Variants in NFYC observed in about 807,000 individuals in gnomAD.
NFYC encodes the protein nuclear transcription factor Y subunit gamma.
NFYC carries 25 observed loss-of-function variants against 53.1 expected under a neutral mutation model. That is an observed-to-expected ratio of 0.47 (90% CI 0.34 to 0.66). NFYC has a LOEUF of 0.66. Ranked by LOEUF, NFYC falls within the 30% of genes least tolerant of loss-of-function variation. NFYC has a pLI of 0.01. For missense variants in NFYC, 260 were observed against 422.7 expected, an observed-to-expected ratio of 0.62 and a Z score of 3.38; for synonymous variants, 145 against 152.6, an observed-to-expected ratio of 0.95 and a Z score of 0.37.
At chr1:40,738,362 A>G (rs192286281) in intron 1 of NFYC, among the ~76,000 whole-genome samples, 331 of 152,294 alleles carry the variant, frequency 2.2e-3, no homozygotes, top group Admixed American at 4.1e-3. Flanking sequence ...CTGGGTTTAC[A>G]TTTCTGTACA....
At chr1:40,735,209 T>A (rs1339507765) in intron 1 of NFYC, 1 of 151,662 alleles carries the variant, frequency 6.6e-6, no homozygotes, top group Non-Finnish European at 1.5e-5. Flanking sequence ...GTCCTGAACT[T>A]CTATGATGCA....
Position 40,745,130 on chromosome 1 carries a change from A to G in NFYC, c.106-2404A>G, listed in dbSNP as rs559890160. Among the ~76,000 whole-genome samples the G allele has an allele frequency of 9.2e-5, 14 of 152,286 alleles. No individual in the cohort carries two copies. In the East Asian group the frequency reaches 2.7e-3, roughly 29 times the overall value. ...TCTGCAAGGCGGGAATGATCTCTTG[A>G]TCCTTGACTTTTGTTGCTTTTGATT... On this transcript the variant is annotated intron_variant, in intron 2 of 9. Coordinates refer to ENST00000447388, the MANE Select transcript of NFYC (RefSeq NM_014223.5).
At chr1:40,738,101 A>G (rs1645148865) in intron 1 of NFYC, among the ~76,000 whole-genome samples, 1 of 151,756 alleles carries the variant, frequency 6.6e-6, no homozygotes, top group East Asian at 1.9e-4. Context: ...ACGGGGTTTC[A>G]CTGTTTTAGC....
intron 1 of NFYC, among the ~76,000 whole-genome samples, chr1:40,701,805 A>G (rs1643448106): frequency 3.9e-5 from 6 of 152,230 alleles, no homozygotes; most frequent in Admixed American, 3.9e-4. Context: ...TGAACAAATG[A>G]AATTTTCCTA....
At chr1:40,736,845 G>T (rs1448887302) in intron 1 of NFYC, among the ~76,000 whole-genome samples, 2 of 60,792 alleles carry the variant, frequency 3.3e-5, no homozygotes, top group African/African-American at 5.8e-5. Flanking sequence ...AAAAAAAAAA[G>T]GCTGGGCGCG....
intron 5 of NFYC, 73 bp from the exon 6 acceptor site, chr1:40,758,048 A>G (rs1646328415): frequency 1.3e-6 from 2 of 1,546,364 alleles, no homozygotes; most frequent in African/African-American, 2.7e-5. Flanking sequence ...GTTTGGGGGA[A>G]GAGTGGAAAT....
intron 6 of NFYC, among the ~76,000 whole-genome samples, chr1:40,760,317 A>G (rs1036974762): frequency 1.3e-5 from 2 of 152,200 alleles, no homozygotes; most frequent in Admixed American, 6.5e-5. Flanking sequence ...CTATAATCCC[A>G]TCACTTTGGG....
intron 2 of NFYC, 67 bp downstream of exon 2, chr1:40,739,015 C>A: frequency 9.0e-7 from 1 of 1,113,178 alleles, no homozygotes; most frequent in South Asian, 1.3e-5. Context: ...GGAAATTAAC[C>A]AAAACTCAGA....
chr1:40,762,254 C>T (rs1481297509), intron 6 of NFYC, among the ~76,000 whole-genome samples: 1 of 152,148 alleles, frequency 6.6e-6, no homozygotes, highest in Non-Finnish European at 1.5e-5. Context: ...TAACAGTGCC[C>T]AGTGAGTTAG....
chr1:40,752,767 G>C (rs924672394), intron 4 of NFYC, among the ~76,000 whole-genome samples: 3 of 151,892 alleles, frequency 2.0e-5, no homozygotes, highest in African/African-American at 7.3e-5. Flanking sequence ...GAACCAAAGG[G>C]AAAATATTAT....
intron 1 of NFYC, among the ~76,000 whole-genome samples, chr1:40,726,938 C>T (rs751368462): frequency 6.6e-6 from 1 of 152,192 alleles, no homozygotes; most frequent in Non-Finnish European, 1.5e-5. Flanking sequence ...GAGTAGGTTC[C>T]ATTTCAAGGA....
intron 2 of NFYC, among the ~76,000 whole-genome samples, chr1:40,746,012 A>C (rs1013525849): frequency 6.6e-6 from 1 of 152,144 alleles, no homozygotes; most frequent in South Asian, 2.1e-4. Context: ...CCTGGCCTAC[A>C]TGTGTATTTT....
At chr1:40,724,252 C>G (rs1367570011) in intron 1 of NFYC, among the ~76,000 whole-genome samples, 1 of 152,112 alleles carries the variant, frequency 6.6e-6, no homozygotes, top group Non-Finnish European at 1.5e-5. Flanking sequence ...CCTATAATCC[C>G]AGCTGCTTGG....
chr1:40,704,092 T>C (rs1258087830), intron 1 of NFYC, among the ~76,000 whole-genome samples: 1 of 151,982 alleles, frequency 6.6e-6, no homozygotes, highest in Admixed American at 6.6e-5. Context: ...TTTTTTTTTT[T>C]TTTGGAGACA....
At chr1:40,698,431 A>T (rs542429948) in intron 1 of NFYC, among the ~76,000 whole-genome samples, 4 of 151,420 alleles carry the variant, frequency 2.6e-5, no homozygotes, top group Non-Finnish European at 5.9e-5. Flanking sequence ...AATGCCATTC[A>T]TTCATTTATT....
intron 1 of NFYC, chr1:40,692,087 G>A (rs191721456): frequency 1.0e-5 from 2 of 199,954 alleles, no homozygotes; most frequent in East Asian, 3.8e-4. Flanking sequence ...CCCGGCCCGC[G>A]GGCTTTCTCC....
At chr1:40,755,729 C>T (rs1646179392) in intron 5 of NFYC, among the ~76,000 whole-genome samples, 2 of 152,160 alleles carry the variant, frequency 1.3e-5, no homozygotes, top group South Asian at 2.1e-4. Flanking sequence ...GTCCTAACAA[C>T]ACAAACCTAG....
intron 2 of NFYC, among the ~76,000 whole-genome samples, chr1:40,739,690 TAGTC>T (rs1213574043): frequency 5.9e-5 from 9 of 152,176 alleles, no homozygotes; most frequent in African/African-American, 1.7e-4. Flanking sequence ...CAGAATAATT[TAGTC>T]AGTAGGTATT....
intron 3 of NFYC, among the ~76,000 whole-genome samples, chr1:40,748,639 T>C (rs1227119518): frequency 6.6e-6 from 1 of 152,196 alleles, no homozygotes; most frequent in Admixed American, 6.5e-5. Context: ...TGCGTGGGCT[T>C]GGCCATTTCT....
Sources: gnomAD v4.1 joint callset for allele counts (sites outside exome capture counted in the v4.1 genomes callset) on GRCh38, gnomAD v4.1.1 for gene constraint, MANE v1.5 for transcripts, NCBI Gene and HGNC (gene_info 2026-07-23, HGNC 2026-07-21) for gene names.